The following FLT1 variants were observed in gnomAD, a reference collection of about 807,000 sequenced individuals.
The protein encoded by FLT1 is vascular endothelial growth factor receptor 1.
In FLT1, 49 loss-of-function variants were observed where a neutral mutation model predicts 156.3. That is an observed-to-expected ratio of 0.31 (90% CI 0.25 to 0.40). FLT1 has a LOEUF of 0.40. FLT1 is among the 10% of genes least tolerant of loss of function. FLT1 has a pLI of 1.00. For synonymous variants in FLT1, 594 were observed against 583.8 expected (o/e 1.02, Z -0.25); for missense variants, 1,322 against 1,637.2 (o/e 0.81, Z 3.32).
chr13:28,327,565 G>C lies in FLT1; in HGVS notation c.2708-15C>G. ...CATCAGAGGCCCTGCAGCCAAAACA[G>C]CACATGCTCATGCTCAGCCACACCA... is the stretch of plus-strand genomic sequence containing the variant. On this transcript the variant is annotated splice_polypyrimidine_tract_variant and intron_variant, in intron 19 of 29. Transcript: ENST00000282397. 2 of 1,573,694 alleles carry C rather than the reference G, an allele frequency of 1.3e-6. No individual in the cohort carries two copies. The highest frequency in any genetic ancestry group is 1.7e-6 in the Non-Finnish European group (2 of 1,143,352).
intron 14 of FLT1, among the ~76,000 whole-genome samples, chr13:28,369,531 AGAAAAG>A (rs1873457866): frequency 6.6e-6 from 1 of 152,228 alleles, no homozygotes; most frequent in Non-Finnish European, 1.5e-5. Flanking sequence ...TCTCCAAAAA[AGAAAAG>A]GAAAATGAAA....
chr13:28,401,887 G>A (rs1449228605), intron 11 of FLT1, among the ~76,000 whole-genome samples: 1 of 152,162 alleles, frequency 6.6e-6, no homozygotes, highest in Non-Finnish European at 1.5e-5. Context: ...CATTAAAATG[G>A]TAATGATTCT....
intron 11 of FLT1, among the ~76,000 whole-genome samples, chr13:28,403,016 G>A (rs960264674): frequency 5.9e-5 from 9 of 152,034 alleles, no homozygotes; most frequent in African/African-American, 1.9e-4. Flanking sequence ...CTGACCTCAG[G>A]TGATCCGCCC....
chr13:28,425,908 C>G (rs144741482), intron 10 of FLT1, among the ~76,000 whole-genome samples: 146 of 152,182 alleles, frequency 9.6e-4, no homozygotes, highest in African/African-American at 3.4e-3. Flanking sequence ...ATTTGTAAGT[C>G]TTCTCTATTT....
intron 14 of FLT1, among the ~76,000 whole-genome samples, chr13:28,382,693 T>C (rs929014590): frequency 6.6e-6 from 1 of 152,094 alleles, no homozygotes; most frequent in Non-Finnish European, 1.5e-5. Context: ...GAGAAATATT[T>C]AGTATTTAGT....
intron 1 of FLT1, among the ~76,000 whole-genome samples, chr13:28,474,471 A>T (rs1880425655): frequency 8.4e-6 from 1 of 118,578 alleles, no homozygotes; most frequent in Admixed American, 9.6e-5. Flanking sequence ...ACAAAACAAA[A>T]CAAAACAACC....
At chr13:28,369,356 C>G (rs1873447510) in intron 14 of FLT1, among the ~76,000 whole-genome samples, 1 of 152,070 alleles carries the variant, frequency 6.6e-6, no homozygotes, top group Non-Finnish European at 1.5e-5. Context: ...GAAACTCTGT[C>G]TCTACTAAAA....
chr13:28,384,498 C>T (rs1874236680), intron 14 of FLT1, among the ~76,000 whole-genome samples: 1 of 150,060 alleles, frequency 6.7e-6, no homozygotes, highest in South Asian at 2.1e-4. Flanking sequence ...TATAAATCTA[C>T]TTTTCTGAAC....
intron 3 of FLT1, among the ~76,000 whole-genome samples, chr13:28,448,234 T>C (rs1310312435): frequency 6.6e-6 from 1 of 152,238 alleles, no homozygotes; most frequent in Admixed American, 6.5e-5. Flanking sequence ...AGTTACCAGA[T>C]GACCCAGCAA....
intron 14 of FLT1, among the ~76,000 whole-genome samples, chr13:28,377,607 T>G (rs1371563315): frequency 6.6e-6 from 1 of 152,232 alleles, no homozygotes; most frequent in Non-Finnish European, 1.5e-5. Flanking sequence ...AGTTTTCTTG[T>G]TCACTGCTGT....
chr13:28,437,343 G>C (rs973276925), intron 4 of FLT1, among the ~76,000 whole-genome samples: 1 of 152,140 alleles, frequency 6.6e-6, no homozygotes, highest in Non-Finnish European at 1.5e-5. Flanking sequence ...AGGGTTGATG[G>C]GTGAGACTGA....
intron 14 of FLT1, among the ~76,000 whole-genome samples, chr13:28,358,071 C>G (rs1478878484): frequency 6.6e-6 from 1 of 152,172 alleles, no homozygotes; most frequent in East Asian, 1.9e-4. Context: ...TCAACGCCCT[C>G]TGTGTGCTCG....
rs769955854 is a variant in FLT1 at position 28,465,380 on chromosome 13, G to A, written c.388+1523C>T. 3.3e-5 allele frequency among the ~76,000 whole-genome samples: 5 copies of A among 152,224 alleles called. No homozygotes were observed. The East Asian group carries it at 9.6e-4, about 29-fold the overall frequency. ...ATGTCAAAACAGAATTTGGAGGATC[G>A]GGGACATGAAAGTGGCTCAGTCAAA... On this transcript the variant is annotated intron_variant, in intron 3 of 29. Coordinates refer to ENST00000282397, the MANE Select transcript of FLT1 (RefSeq NM_002019.4).
intron 1 of FLT1, among the ~76,000 whole-genome samples, chr13:28,482,191 C>T (rs571672871): frequency 2.6e-5 from 4 of 152,274 alleles, no homozygotes; most frequent in South Asian, 4.1e-4. Flanking sequence ...TGGTGGCTCA[C>T]GCCTGTAATC....
At chr13:28,404,196 A>T (rs1018966822) in intron 11 of FLT1, among the ~76,000 whole-genome samples, 1 of 152,236 alleles carries the variant, frequency 6.6e-6, no homozygotes, top group Admixed American at 6.5e-5. Flanking sequence ...AGAGAAAAAG[A>T]GTTGTAAACC....
chr13:28,339,193 C>T lies in FLT1; in HGVS notation c.2463G>A (p.Glu821=). 1.2e-6 allele frequency: 2 copies of T among 1,614,186 alleles called. No homozygotes were observed. The highest frequency in any genetic ancestry group is 1.7e-6 in the Non-Finnish European group (2 of 1,180,022). Residue 821 remains glutamate, a synonymous_variant, in exon 17 of 30, where the codon GAG becomes GAA. Transcript: ENST00000282397. ...ERLPYDASKW[E]FARERLKLGK... ...CCAGTTTAAGTCTCTCCCGGGCAAA[C>T]TCCCACTTGCTGGCATCATAAGGGA...
intron 3 of FLT1, among the ~76,000 whole-genome samples, chr13:28,444,289 C>T (rs1878489707): frequency 6.6e-6 from 1 of 152,082 alleles, no homozygotes; most frequent in Non-Finnish European, 1.5e-5. Flanking sequence ...TAAAAATACA[C>T]AAGTTAGCCA....
At chr13:28,406,781 T>C (rs1026177435) in intron 10 of FLT1, among the ~76,000 whole-genome samples, 5 of 152,158 alleles carry the variant, frequency 3.3e-5, no homozygotes, top group Non-Finnish European at 7.3e-5. Context: ...GCTGGGATTA[T>C]AGGCTAAGTG....
At chr13:28,382,337 A>C (rs1874114419) in intron 14 of FLT1, among the ~76,000 whole-genome samples, 2 of 152,238 alleles carry the variant, frequency 1.3e-5, no homozygotes, top group African/African-American at 4.8e-5. Flanking sequence ...TAATGTCTGC[A>C]GTGATCTACC....
Sources: allele counts gnomAD v4.1 joint callset (sites outside exome capture counted in the v4.1 genomes callset), GRCh38; gene constraint gnomAD v4.1.1; transcripts MANE v1.5; gene names NCBI Gene and HGNC (gene_info 2026-07-23, HGNC 2026-07-21).